Variants in FOXN1 observed in about 807,000 individuals in gnomAD.
The protein encoded by FOXN1 is forkhead box N1.
Under a neutral mutation model 49.0 loss-of-function variants are expected in FOXN1, and 15 were observed. The ratio of observed to expected loss-of-function variants is 0.31; its 90% CI spans 0.20 to 0.47. FOXN1 has a LOEUF of 0.47. Among genes scored for constraint, FOXN1 ranks in the 20% least tolerant of loss-of-function variants. The probability of loss-of-function intolerance (pLI) is 1.00; values close to 1 mark genes in which losing one functional copy is unlikely to be tolerated. For synonymous variants in FOXN1, 356 were observed against 369.0 expected (o/e 0.96, Z 0.40); for missense variants, 800 against 842.8 (o/e 0.95, Z 0.63).
At position 28,537,787 on chromosome 17, in the gene FOXN1, C is replaced by T; in HGVS notation, c.*351C>T. On this transcript the variant is annotated 3_prime_UTR_variant, in exon 9 of 9. Transcript: ENST00000579795. Reference sequence around the variant, plus strand: ...GTACACCCACCCACATATCTTACAGCCAGAGGAACCAGCACTCCATCACTG... The same window carrying T: ...GTACACCCACCCACATATCTTACAGTCAGAGGAACCAGCACTCCATCACTG... The T allele has an allele frequency of 2.6e-6, 1 of 386,888 alleles. No homozygotes were observed. The highest frequency in any genetic ancestry group is 2.4e-5 in the South Asian group (1 of 41,266). 24.0% of individuals were successfully genotyped at this position (386,888 alleles called of 1,614,324 possible). A position where few individuals can be genotyped will look rare whatever the true frequency, so the allele number is the denominator to read the frequency against.
At chr17:28,516,669 A>T (rs1035715783) in intron 1 of FOXN1, among the ~76,000 whole-genome samples, 3 of 142,646 alleles carry the variant, frequency 2.1e-5, no homozygotes, top group African/African-American at 8.1e-5. Flanking sequence ...CCTCCACAGG[A>T]TCCATACCAT....
At position 28,534,051 on chromosome 17, in the gene FOXN1, C is replaced by T. The variant is rs667486; in HGVS notation, c.928-280C>T. ...GTAGCGCCCACCAGCCCTGGCTTTC[C>T]GAATCACCTCGGCAGTCCTCTGAGG... is the stretch of plus-strand genomic sequence containing the variant. On this transcript the variant is annotated intron_variant, in intron 6 of 8. Transcript: ENST00000579795. This position sits in a 1 kb window ranked among gnomAD's most constrained non-coding sequence, Gnocchi z 4.1. Among the ~76,000 whole-genome samples the T allele has an allele frequency of 6.6e-6, 1 of 151,972 alleles. No homozygotes were observed. Among genetic ancestry groups the T allele is most frequent in the Admixed American group, 6.5e-5 (1 of 15,272 alleles).
At chr17:28,523,791 GTTCTCTCTCTCTCTCT>G in intron 1 of FOXN1, 149 bp from the exon 2 acceptor site, 1 of 588,078 alleles carries the variant, frequency 1.7e-6, no homozygotes, top group Non-Finnish European at 3.0e-6. Context: ...TCGCTCTCTG[GTTCTCTCTCTCTCTCT>G]CTCTCTCTCT....
chr17:28,512,286 C>T (rs1466271310), intron 1 of FOXN1, among the ~76,000 whole-genome samples: 1 of 152,232 alleles, frequency 6.6e-6, no homozygotes, highest in Non-Finnish European at 1.5e-5. Context: ...GAACTTTCTT[C>T]TCTAGAAACC....
intron 3 of FOXN1, 96 bp downstream of exon 3, chr17:28,525,063 T>G (rs1204346295): frequency 3.0e-6 from 3 of 988,988 alleles, no homozygotes; most frequent in Admixed American, 4.0e-5. Context: ...AGTCCCACCT[T>G]CTCTTTGCAG....
chr17:28,517,474 ACACACC>A (rs2069543727), intron 1 of FOXN1, among the ~76,000 whole-genome samples: 1 of 148,180 alleles, frequency 6.7e-6, no homozygotes, highest in African/African-American at 2.5e-5. Flanking sequence ...TCCATAGGGT[ACACACC>A]TCCATAGGGT....
intron 1 of FOXN1, among the ~76,000 whole-genome samples, chr17:28,514,731 A>G (rs1163885537): frequency 1.3e-5 from 2 of 152,092 alleles, no homozygotes; most frequent in African/African-American, 2.4e-5. Flanking sequence ...CCTCACTCAT[A>G]AAGAGTGGGT....
chr17:28,530,968 C>A, intron 6 of FOXN1, 123 bp downstream of exon 6: 1 of 705,992 alleles, frequency 1.4e-6, no homozygotes, highest in Non-Finnish European at 2.6e-6. Context: ...AGAGGGCTTA[C>A]CCCCACCATG....
At chr17:28,529,020 A>G in intron 4 of FOXN1, 74 bp from the exon 5 acceptor site, 1 of 1,585,228 alleles carries the variant, frequency 6.3e-7, no homozygotes, top group Non-Finnish European at 8.6e-7. Flanking sequence ...CTGGATGTAT[A>G]TAAATGGGGA....
At chr17:28,522,691 A>C (rs2069664594) in intron 1 of FOXN1, among the ~76,000 whole-genome samples, 1 of 152,134 alleles carries the variant, frequency 6.6e-6, no homozygotes, top group Admixed American at 6.5e-5. Context: ...TACAAAAAAT[A>C]GCCAGGTGTG....
intron 6 of FOXN1, 111 bp downstream of exon 6, chr17:28,530,956 G>A (rs1385577242): frequency 2.7e-6 from 2 of 736,528 alleles, no homozygotes; most frequent in African/African-American, 3.4e-5. Flanking sequence ...ACGAAAGCCA[G>A]GAGAGGGCTT....
chr17:28,507,196 G>C (rs541471956), intron 1 of FOXN1, among the ~76,000 whole-genome samples: 12 of 152,292 alleles, frequency 7.9e-5, no homozygotes, highest in African/African-American at 2.4e-4. Flanking sequence ...GGGAAGTGAA[G>C]GCCCTTAGGG....
At chr17:28,516,852 C>T (rs1370424224) in intron 1 of FOXN1, among the ~76,000 whole-genome samples, 3 of 63,044 alleles carry the variant, frequency 4.8e-5, no homozygotes, top group Admixed American at 1.5e-4. Flanking sequence ...CACACCTCCA[C>T]AGGGTACACA....
chr17:28,525,163 G>C (rs949357884), intron 3 of FOXN1, among the ~76,000 whole-genome samples, 196 bp downstream of exon 3: 6 of 152,122 alleles, frequency 3.9e-5, no homozygotes, highest in Admixed American at 6.5e-5. Flanking sequence ...GCAAGTGGGG[G>C]AGGTAGGCCA....
chr17:28,511,229 A>T (rs1555606952), intron 1 of FOXN1, among the ~76,000 whole-genome samples: 1 of 152,200 alleles, frequency 6.6e-6, no homozygotes, highest in African/African-American at 2.4e-5. Flanking sequence ...TTGGGAGAGG[A>T]GGTGCACCAG....
At chr17:28,526,916 G>A (rs1001326827) in intron 3 of FOXN1, among the ~76,000 whole-genome samples, 2 of 152,118 alleles carry the variant, frequency 1.3e-5, no homozygotes, top group East Asian at 1.9e-4. Context: ...CAGGCGTGTC[G>A]AGTGAGGTCA....
rs181350231 is a variant in FOXN1, at chr17:28,514,125, T to C, written c.-15+7682T>C. Among the ~76,000 whole-genome samples the C allele has an allele frequency of 3.6e-3, 552 of 152,234 alleles. 5 individuals are homozygous for C. Among genetic ancestry groups the C allele is most frequent in the African/African-American group, 0.013 (535 of 41,530 alleles). On this transcript the variant is annotated intron_variant, in intron 1 of 8. Coordinates refer to ENST00000579795, the MANE Select transcript of FOXN1 (RefSeq NM_001369369.1). ...CCAAGGCTCAAGTGCTTTTCCAGGA[T>C]GGGCGTACTAGGCAATGCTCTGGGA...
intron 1 of FOXN1, among the ~76,000 whole-genome samples, chr17:28,516,132 CATCCACAGGGTACACAT>C (rs2069492809): frequency 6.7e-6 from 1 of 149,372 alleles, no homozygotes; most frequent in East Asian, 2.0e-4. Flanking sequence ...AGGATCCTTA[CATCCACAGGGTACACAT>C]CTCCACAGGA....
Position 28,537,137 on chromosome 17 carries a change from A to C in FOXN1, c.1648A>C (p.Lys550Gln). The change falls in exon 9 of 9, where the codon AAG becomes CAG. Residue 550 changes from lysine to glutamine, a missense_variant. By Grantham distance (53) the Lys-to-Gln change is moderately conservative (BLOSUM62 1). Around this residue, in one of 3 missense-constraint regions of FOXN1, gnomAD observed 344 missense variants for 366.1 expected, o/e 0.94. Coordinates refer to ENST00000579795, the MANE Select transcript of FOXN1 (RefSeq NM_001369369.1). ...DFQGNLWEQL[K>Q]DDSLALDPLV... ...TCTAGGAAACCTGTGGGAACAGTTG[A>C]AGGATGATAGCTTGGCCCTCGACCC... 6.2e-7 allele frequency: 1 copy of C among 1,614,010 alleles called. No homozygotes were observed. The highest frequency in any genetic ancestry group is 8.5e-7 in the Non-Finnish European group (1 of 1,179,910).
Sources: gnomAD v4.1 joint callset for allele counts (sites outside exome capture counted in the v4.1 genomes callset) on GRCh38, gnomAD v4.1.1 for gene constraint, gnomAD v4.1.1 regional missense constraint, Gnocchi (gnomAD v3.1) non-coding constraint, MANE v1.5 for transcripts, NCBI Gene and HGNC (gene_info 2026-07-23, HGNC 2026-07-21) for gene names.